GALNT16: variants seen among roughly 807,000 people sequenced by gnomAD.
GALNT16 encodes the protein polypeptide N-acetylgalactosaminyltransferase 16.
GALNT16 carries 40 observed loss-of-function variants against 76.1 expected under a neutral mutation model. The observed-to-expected ratio is 0.53, with a 90% confidence interval of 0.41 to 0.68. The LOEUF (loss-of-function observed/expected upper bound fraction) is 0.68, where lower values mean the gene tolerates loss of function less well. Ranked by LOEUF, GALNT16 falls within the 30% of genes least tolerant of loss-of-function variation. The pLI is 0.00. For synonymous variants in GALNT16, 276 were observed against 285.2 expected, an observed-to-expected ratio of 0.97 and a Z score of 0.32; for missense variants, 621 against 731.9, an observed-to-expected ratio of 0.85 and a Z score of 1.75.
chr14:69,340,449 C>A (rs773615568), intron 11 of GALNT16, among the ~76,000 whole-genome samples: 1 of 151,836 alleles, frequency 6.6e-6, no homozygotes, highest in Non-Finnish European at 1.5e-5. Context: ...GTACTCGATG[C>A]GTGGCGAATT....
At chr14:69,327,443 A>T (rs2045300142) in intron 5 of GALNT16, among the ~76,000 whole-genome samples, 1 of 152,260 alleles carries the variant, frequency 6.6e-6, no homozygotes, top group Admixed American at 6.5e-5. Flanking sequence ...CCAGAATGGA[A>T]GTGGCCGAAG....
intron 1 of GALNT16, among the ~76,000 whole-genome samples, chr14:69,268,232 C>T (rs1015827339): frequency 3.3e-5 from 5 of 152,216 alleles, no homozygotes; most frequent in Non-Finnish European, 5.9e-5. Flanking sequence ...GACCCCTTTG[C>T]AGAGCATAAA....
At chr14:69,340,632 G>A (rs1284467184) in intron 11 of GALNT16, among the ~76,000 whole-genome samples, 3 of 151,996 alleles carry the variant, frequency 2.0e-5, no homozygotes, top group Non-Finnish European at 4.4e-5. Context: ...TTACAGGCAC[G>A]TGCCACCATG....
rs1175995498 is a variant in GALNT16 at position 69,333,042 on chromosome 14, A to G, written c.779-43A>G. The G allele has an allele frequency of 1.4e-6, 2 of 1,407,090 alleles. No homozygotes were observed. Among genetic ancestry groups the G allele is most frequent in the Middle Eastern group, 1.8e-4 (1 of 5,640 alleles). 87.2% of individuals were successfully genotyped at this position (1,407,090 alleles called of 1,614,324 possible). ...GGAGTGAAGGGTCTCAGCAGCCCGC[A>G]GCTCTGCCCTGAGCTCTGTCCTCAC... On this transcript the variant is annotated intron_variant, in intron 7 of 14. Transcript: ENST00000448469. The surrounding 1 kb of genome is among the most constrained non-coding windows in gnomAD (Gnocchi z 4.2).
chr14:69,330,603 T>A (rs946397723), intron 6 of GALNT16, among the ~76,000 whole-genome samples: 5 of 152,148 alleles, frequency 3.3e-5, no homozygotes, highest in African/African-American at 1.2e-4. Flanking sequence ...ATCAGCCCCA[T>A]CCCGGGCTTC....
intron 1 of GALNT16, among the ~76,000 whole-genome samples, chr14:69,288,331 A>C (rs777560806): frequency 1.3e-5 from 2 of 152,216 alleles, no homozygotes; most frequent in Non-Finnish European, 2.9e-5. Context: ...GCCACAGGGC[A>C]CTTGTTCTGC....
downstream of GALNT16, among the ~76,000 whole-genome samples, chr14:69,359,763 C>T (rs1292610892): frequency 6.6e-6 from 1 of 152,204 alleles, no homozygotes; most frequent in Non-Finnish European, 1.5e-5. Context: ...CGCGGTGGCT[C>T]ACGCCTGGAA....
rs778321032 is a variant in GALNT16, at chr14:69,324,826, C to T, written c.434+36C>T. On this transcript the variant is annotated intron_variant, in intron 3 of 14. Transcript: ENST00000448469. ...CCATGGGACTCTCATCTCAGTGGTG[C>T]TGGCAGGGGAGGACATTGGGATTGG... 21 of 1,386,082 alleles carry T rather than the reference C, an allele frequency of 1.5e-5. No homozygotes were observed. In the East Asian group the frequency reaches 4.0e-4, roughly 26 times the overall value. 85.9% of individuals were successfully genotyped at this position (1,386,082 alleles called of 1,614,324 possible).
chr14:69,328,478 G>A lies in GALNT16; in HGVS notation c.597G>A (p.Ala199=), dbSNP rs767116865. 2.5e-5 allele frequency: 40 copies of A among 1,613,898 alleles called. No homozygotes were observed. The highest frequency in any genetic ancestry group is 3.3e-5 in the South Asian group (3 of 91,076). Residue 199 remains alanine (A), a synonymous_variant, in exon 6 of 15, where the codon GCG becomes GCA. Coordinates refer to ENST00000448469, the MANE Select transcript of GALNT16 (RefSeq NM_001168368.2). ...EGLIRSRVRG[A]DVAAATVLTF... is the part of the protein sequence containing the mutation. ...TGATCCGGTCCCGAGTGCGTGGGGC[G>A]GACGTGGCTGCAGCTACCGTTCTCA... is the stretch of plus-strand genomic sequence containing the variant.
chr14:69,264,207 G>T (rs986566457), intron 1 of GALNT16, among the ~76,000 whole-genome samples: 1 of 152,204 alleles, frequency 6.6e-6, no homozygotes, highest in Non-Finnish European at 1.5e-5. Flanking sequence ...AACTGTGAAA[G>T]ATTTAGGCAA....
intron 1 of GALNT16, among the ~76,000 whole-genome samples, chr14:69,287,820 T>C (rs1054993612): frequency 6.6e-6 from 1 of 152,142 alleles, no homozygotes; most frequent in Non-Finnish European, 1.5e-5. Flanking sequence ...TGCAGCTGCC[T>C]CTGAGTGAGA....
rs1566884804 is a variant in GALNT16 at position 69,333,365 on chromosome 14, G to A, written c.864-132G>A. 7.0e-6 allele frequency: 5 copies of A among 717,154 alleles called. No individual in the cohort carries two copies. The South Asian group carries it at 7.9e-5, about 11-fold the overall frequency. The allele number at this position is 717,154 out of a possible 1,614,324, so 44.4% of individuals were successfully genotyped here. On this transcript the variant is annotated intron_variant, in intron 8 of 14. Transcript: ENST00000448469. This position sits in a 1 kb window ranked among gnomAD's most constrained non-coding sequence, Gnocchi z 4.2. ...AACAGATGTGGGGGGCCAGGGAGCTGGCCAGACATCCTGCCCCAGTGACTC... is the reference window on the plus strand; with the variant it reads ...AACAGATGTGGGGGGCCAGGGAGCTAGCCAGACATCCTGCCCCAGTGACTC...
intron 1 of GALNT16, among the ~76,000 whole-genome samples, chr14:69,272,685 G>A (rs2044421037): frequency 6.6e-6 from 1 of 152,114 alleles, no homozygotes; most frequent in African/African-American, 2.4e-5. Flanking sequence ...TCCCAGTCCT[G>A]CAAGCTCCAT....
At chr14:69,293,851 G>C (rs894828754) in intron 1 of GALNT16, among the ~76,000 whole-genome samples, 2 of 152,072 alleles carry the variant, frequency 1.3e-5, no homozygotes, top group African/African-American at 4.8e-5. Flanking sequence ...GCTACACTGG[G>C]ACAGTTGGCA....
At chr14:69,321,199 A>G (rs963685196) in intron 2 of GALNT16, among the ~76,000 whole-genome samples, 5 of 152,174 alleles carry the variant, frequency 3.3e-5, no homozygotes, top group African/African-American at 1.2e-4. Flanking sequence ...GGTGGTGCCT[A>G]AAGTGGAGAG....
At chr14:69,283,573 G>A (rs1211608986) in intron 1 of GALNT16, among the ~76,000 whole-genome samples, 2 of 152,274 alleles carry the variant, frequency 1.3e-5, no homozygotes, top group East Asian at 1.9e-4. Context: ...AGACAGGATG[G>A]TAGTCATCAC....
At chr14:69,347,249 A>C in intron 13 of GALNT16, 68 bp downstream of exon 13, 1 of 1,389,878 alleles carries the variant, frequency 7.2e-7, no homozygotes, top group Non-Finnish European at 9.7e-7. Context: ...GGGGTGAGGG[A>C]CTTCCCCCTA....
chr14:69,281,077 A>G (rs577430114), intron 1 of GALNT16, among the ~76,000 whole-genome samples: 3 of 151,510 alleles, frequency 2.0e-5, no homozygotes, highest in Middle Eastern at 3.2e-3. Context: ...ACTGTGCTAC[A>G]GATTGCTTTT....
At chr14:69,337,645 G>A (rs1044061413) in intron 9 of GALNT16, among the ~76,000 whole-genome samples, 6 of 152,208 alleles carry the variant, frequency 3.9e-5, no homozygotes, top group Non-Finnish European at 4.4e-5. Context: ...GGCAGACCTA[G>A]GGAAGCCCAT....
Sources: gnomAD v4.1 joint callset for allele counts (sites outside exome capture counted in the v4.1 genomes callset) on GRCh38, gnomAD v4.1.1 for gene constraint, Gnocchi (gnomAD v3.1) non-coding constraint, MANE v1.5 for transcripts, NCBI Gene and HGNC (gene_info 2026-07-23, HGNC 2026-07-21) for gene names.